Variants in PTPRB observed in about 807,000 individuals in gnomAD.
PTPRB encodes the protein receptor-type tyrosine-protein phosphatase beta.
PTPRB carries 97 observed loss-of-function variants against 238.1 expected under a neutral mutation model. That is an observed-to-expected ratio of 0.41 (90% CI 0.35 to 0.48). The LOEUF (loss-of-function observed/expected upper bound fraction) is 0.48, where lower values mean the gene tolerates loss of function less well. Among genes scored for constraint, PTPRB ranks in the 20% least tolerant of loss-of-function variants. The pLI, the probability that PTPRB is intolerant of heterozygous loss-of-function variation, is 0.30. For missense variants in PTPRB, 2,292 were observed against 2,681.9 expected, an observed-to-expected ratio of 0.85 and a Z score of 3.21; for synonymous variants, 970 against 995.4, an observed-to-expected ratio of 0.97 and a Z score of 0.48.
chr12:70,622,477 CCT>C lies in PTPRB; in HGVS notation c.619_620del (p.Arg207AlafsTer28), dbSNP rs1884984985. The C allele has an allele frequency of 6.2e-7, 1 of 1,613,364 alleles. No homozygotes were observed. Among genetic ancestry groups the C allele is most frequent in the South Asian group, 1.1e-5 (1 of 91,068 alleles). On this transcript the variant is annotated frameshift_variant, in exon 3 of 34. Transcript: ENST00000334414. LOFTEE classifies it high-confidence loss of function. ...CAGTCATGTGCAGATTGGGATGCTG[CCT>C]CTCGCTGCTGTTTTGGCTGTAGTTT... The part of the protein sequence containing the change: ...AENYSQNSSE[R>X]QHPNLHMTGI...
intron 20 of PTPRB, among the ~76,000 whole-genome samples, chr12:70,554,624 G>T (rs1053068814): frequency 6.6e-6 from 1 of 152,248 alleles, no homozygotes; most frequent in Non-Finnish European, 1.5e-5. Context: ...TCAAAATTCA[G>T]TGGAGAAGGG....
At chr12:70,617,012 G>A (rs1884709751) in intron 3 of PTPRB, among the ~76,000 whole-genome samples, 2 of 152,128 alleles carry the variant, frequency 1.3e-5, no homozygotes, top group African/African-American at 2.4e-5. Flanking sequence ...CACCAATAAT[G>A]TATTTTTCAT....
At chr12:70,621,633 A>G (rs1043653776) in intron 3 of PTPRB, among the ~76,000 whole-genome samples, 3 of 152,246 alleles carry the variant, frequency 2.0e-5, no homozygotes, top group African/African-American at 7.2e-5. Flanking sequence ...GCACAATGCA[A>G]AAGATACCAG....
In PTPRB at chr12:70,569,706, C is replaced by T; in HGVS notation, c.3603G>A (p.Leu1201=). ...QIMIASVSGS[L]KNQINVVGRT... is the part of the protein sequence containing the mutation. ...GCCCAACCACATTTATCTGATTCTT[C>T]AGGGACCCGCTGACTGAGGCAATCA... The change falls in exon 14 of 34, where the codon CTG becomes CTA. Residue 1201 remains leucine (L), a synonymous_variant. Coordinates refer to ENST00000334414, the MANE Select transcript of PTPRB (RefSeq NM_001109754.4). 3 of 1,613,926 alleles carry T rather than the reference C, an allele frequency of 1.9e-6. No individual in the cohort carries two copies. Among genetic ancestry groups the T allele is most frequent in the Non-Finnish European group, 2.5e-6 (3 of 1,179,888 alleles).
chr12:70,530,421 A>C (rs931284275), intron 32 of PTPRB, among the ~76,000 whole-genome samples: 1 of 152,220 alleles, frequency 6.6e-6, no homozygotes, highest in Non-Finnish European at 1.5e-5. Flanking sequence ...ACAAATGTAC[A>C]CATATAGGTG....
rs12230981 is a variant in PTPRB, at chr12:70,632,673, T to C, written c.451+2998A>G. 4.1e-4 allele frequency among the ~76,000 whole-genome samples: 62 copies of C among 152,248 alleles called. 1 individual carries two copies. In the East Asian group the frequency reaches 0.012, roughly 29 times the overall value. Reference sequence around the variant, plus strand: ...TTCTTCTCTCTACATTCTATTGTAATTACCTATTTATTTACTTATCTGATT... The same window carrying C: ...TTCTTCTCTCTACATTCTATTGTAACTACCTATTTATTTACTTATCTGATT... On this transcript the variant is annotated intron_variant, in intron 2 of 33. Coordinates refer to ENST00000334414, the MANE Select transcript of PTPRB (RefSeq NM_001109754.4).
At chr12:70,547,123 C>G (rs997195679) in intron 21 of PTPRB, among the ~76,000 whole-genome samples, 18 of 152,020 alleles carry the variant, frequency 1.2e-4, no homozygotes, top group African/African-American at 4.3e-4. Flanking sequence ...TGTTCTGACC[C>G]TGCTCCCGCT....
intron 3 of PTPRB, among the ~76,000 whole-genome samples, chr12:70,615,667 C>G (rs1401607573): frequency 1.3e-5 from 2 of 152,204 alleles, no homozygotes; most frequent in African/African-American, 2.4e-5. Context: ...TGCCACCCCA[C>G]CCTTGGAAGG....
At chr12:70,615,375 G>A (rs1421680973) in intron 3 of PTPRB, among the ~76,000 whole-genome samples, 2 of 152,126 alleles carry the variant, frequency 1.3e-5, no homozygotes, top group African/African-American at 4.8e-5. Context: ...CTGCAAGGGA[G>A]GGGTGGGAGT....
chr12:70,566,828 A>G (rs1013369825), intron 14 of PTPRB, 124 bp from the exon 15 acceptor site: 27 of 1,042,462 alleles, frequency 2.6e-5, no homozygotes, highest in Middle Eastern at 3.2e-4. Flanking sequence ...TTTGTGTGTC[A>G]TTGACACTTT....
chr12:70,538,346 A>T, intron 27 of PTPRB, 115 bp from the exon 28 acceptor site: 1 of 837,014 alleles, frequency 1.2e-6, no homozygotes. Context: ...AAGTGATCTT[A>T]TCTCCATTTT....
In PTPRB at chr12:70,587,024, GA is replaced by G; in HGVS notation, c.2293del (p.Ser765GlnfsTer2). The G allele has an allele frequency of 6.2e-7, 1 of 1,613,414 alleles. No homozygotes were observed. The highest frequency in any genetic ancestry group is 8.5e-7 in the Non-Finnish European group (1 of 1,179,452). On this transcript the variant is annotated frameshift_variant, in exon 9 of 34. Coordinates refer to ENST00000334414, the MANE Select transcript of PTPRB (RefSeq NM_001109754.4). LOFTEE classifies it high-confidence loss of function. ...GTTACTACCTGTTCTTCCTTTTACT[GA>G]AGAGGAATTTTTTAAGTCTCCACTA... ...SISGDLKNSS[S>X]VKGRTVPAQV... is the part of the protein sequence containing the mutation.
intron 23 of PTPRB, chr12:70,540,623 GC>G (rs1874924287): frequency 2.2e-6 from 1 of 464,742 alleles, no homozygotes; most frequent in Non-Finnish European, 3.8e-6. Context: ...TTTAAATAAA[GC>G]TATAGATGGC....
chr12:70,571,899 C>T lies in PTPRB; in HGVS notation c.3031G>A (p.Gly1011Arg), dbSNP rs764091471. Residue 1011 changes from glycine (G) to arginine (R), a missense_variant, in exon 12 of 34, where the codon GGA becomes AGA. Coordinates refer to ENST00000334414, the MANE Select transcript of PTPRB (RefSeq NM_001109754.4). ...NECVFVQLVP[G>R]RLYSVTVTTK... ...GTAACAGTGACACTGTACAACCGTC[C>T]AGGGACTAGCTGAACAAATACACAT... 1.6e-5 allele frequency: 26 copies of T among 1,613,898 alleles called. No individual in the cohort carries two copies. Among genetic ancestry groups the T allele is most frequent in the Non-Finnish European group, 2.2e-5 (26 of 1,179,806 alleles).
At chr12:70,614,287 T>C (rs567934302) in intron 3 of PTPRB, among the ~76,000 whole-genome samples, 8 of 152,290 alleles carry the variant, frequency 5.3e-5, no homozygotes, top group African/African-American at 1.9e-4. Flanking sequence ...CTAAACCCTG[T>C]ACTTGATATC....
At chr12:70,618,273 AT>A (rs1305593381) in intron 3 of PTPRB, among the ~76,000 whole-genome samples, 1 of 151,800 alleles carries the variant, frequency 6.6e-6, no homozygotes, top group Non-Finnish European at 1.5e-5. Context: ...GTAATTTTTA[AT>A]TTTTTTATTT....
At chr12:70,571,354 T>G (rs953046918) in intron 12 of PTPRB, 65 bp from the exon 13 acceptor site, 27 of 1,426,056 alleles carry the variant, frequency 1.9e-5, no homozygotes, top group Non-Finnish European at 2.3e-5. Context: ...ACATAATAAT[T>G]TATGAATCAC....
At chr12:70,632,586 A>G (rs541869317) in intron 2 of PTPRB, among the ~76,000 whole-genome samples, 25 of 152,298 alleles carry the variant, frequency 1.6e-4, no homozygotes, top group African/African-American at 5.3e-4. Context: ...ATTAAAAAAA[A>G]AAAAGGAATG....
intron 3 of PTPRB, among the ~76,000 whole-genome samples, chr12:70,613,259 C>A (rs539659296): frequency 6.6e-6 from 1 of 151,990 alleles, no homozygotes; most frequent in Non-Finnish European, 1.5e-5. Context: ...CCCCTCATTA[C>A]CTGGCCTCTG....
Sources: gnomAD v4.1 joint callset for allele counts (sites outside exome capture counted in the v4.1 genomes callset) on GRCh38, gnomAD v4.1.1 for gene constraint, MANE v1.5 for transcripts, NCBI Gene and HGNC (gene_info 2026-07-23, HGNC 2026-07-21) for gene names.